Variants in NCBP2L observed in about 807,000 individuals in gnomAD.
NCBP2L encodes nuclear cap-binding protein subunit 2-like.
For missense variants in NCBP2L, 95 were observed against 53.1 expected (o/e 1.79, Z -2.45); for synonymous variants, 39 against 19.2 (o/e 2.04, Z -2.70).
intron 1 of NCBP2L, among the ~76,000 whole-genome samples, chrX:107,790,963 A>G (rs1048144712): frequency 8.9e-6 from 1 of 111,889 alleles, no homozygotes; most frequent in African/African-American, 3.3e-5. Context: ...TCCTGTGATT[A>G]GAATAATTAC....
At chrX:107,781,676 A>ATCTCTCTC (rs1252852252) in intron 1 of NCBP2L, among the ~76,000 whole-genome samples, 3 of 55,881 alleles carry the variant, frequency 5.4e-5, no homozygotes, top group African/African-American at 3.4e-4. Flanking sequence ...CTATCTATCT[A>ATCTCTCTC]TCTCTCTCTC....
At chrX:107,784,535 T>G (rs1268517014) in intron 1 of NCBP2L, among the ~76,000 whole-genome samples, 1 of 110,318 alleles carries the variant, frequency 9.1e-6, no homozygotes, top group Non-Finnish European at 1.9e-5. Flanking sequence ...AGATATAATG[T>G]CTGCAAGCAT....
At position 107,795,365 on chromosome X, in the gene NCBP2L, C is replaced by T. The variant is rs1930507134; in HGVS notation, c.*683C>T. The T allele has an allele frequency of 8.9e-6, 1 of 111,892 alleles. No homozygotes were observed. The highest frequency in any genetic ancestry group is 1.9e-5 in the Non-Finnish European group (1 of 53,245). 9.2% of individuals were successfully genotyped at this position (111,892 alleles called of 1,213,427 possible). Reference sequence around the variant, plus strand: ...CTCACTTACACCCCCATTTGCACTTCTCTACTCTCCATCCTCTCAATATAG... The same window carrying T: ...CTCACTTACACCCCCATTTGCACTTTTCTACTCTCCATCCTCTCAATATAG... On this transcript the variant is annotated 3_prime_UTR_variant, in exon 2 of 2. Coordinates refer to ENST00000509000, the MANE Select transcript of NCBP2L (RefSeq NM_001348372.2).
intron 1 of NCBP2L, among the ~76,000 whole-genome samples, chrX:107,781,951 C>T (rs1930298614): frequency 1.1e-5 from 1 of 92,999 alleles, no homozygotes; most frequent in Non-Finnish European, 2.1e-5. Context: ...TCTCAATCTC[C>T]TGACCTGAGG....
intron 1 of NCBP2L, among the ~76,000 whole-genome samples, chrX:107,779,762 T>TTTTTTTTA (rs1930242041): frequency 1.7e-5 from 1 of 57,789 alleles, no homozygotes; most frequent in African/African-American, 4.8e-5. Context: ...TTTTTTTTTT[T>TTTTTTTTA]GAGACAGAGT....
intron 1 of NCBP2L, among the ~76,000 whole-genome samples, chrX:107,791,907 A>G (rs1412529369): frequency 8.9e-6 from 1 of 111,990 alleles, no homozygotes; most frequent in Admixed American, 9.5e-5. Context: ...TGAGATTTGA[A>G]CCAAGGTCTT....
At chrX:107,785,867 C>T (rs776389659) in intron 1 of NCBP2L, among the ~76,000 whole-genome samples, 30 of 110,722 alleles carry the variant, frequency 2.7e-4, no homozygotes, top group Admixed American at 2.7e-3. Flanking sequence ...AGGTAAACTG[C>T]AGAGAGCAGG....
chrX:107,782,226 TATATATATAA>T (rs1930311437), intron 1 of NCBP2L, among the ~76,000 whole-genome samples: 3 of 19,241 alleles, frequency 1.6e-4, no homozygotes, highest in African/African-American at 8.1e-4. Flanking sequence ...TATATAAATA[TATATATATAA>T]ATATATATAT....
chrX:107,787,053 C>T (rs1930398875), intron 1 of NCBP2L, among the ~76,000 whole-genome samples: 1 of 111,554 alleles, frequency 9.0e-6, no homozygotes, highest in Non-Finnish European at 1.9e-5. Flanking sequence ...CCACATACGT[C>T]AGTGCTTCTC....
chrX:107,787,743 G>T (rs758312069), intron 1 of NCBP2L, among the ~76,000 whole-genome samples: 12 of 111,921 alleles, frequency 1.1e-4, no homozygotes, highest in African/African-American at 2.6e-4. Flanking sequence ...TAAAGGTAAG[G>T]CATGTAGTAA....
At chrX:107,788,316 A>G (rs2147807766) in intron 1 of NCBP2L, among the ~76,000 whole-genome samples, 1 of 112,428 alleles carries the variant, frequency 8.9e-6, no homozygotes, top group South Asian at 3.7e-4. Context: ...GTAAGTTCAC[A>G]TTCTATCACT....
chrX:107,784,345 C>A (rs1246546152), intron 1 of NCBP2L, among the ~76,000 whole-genome samples: 1 of 110,863 alleles, frequency 9.0e-6, no homozygotes, highest in East Asian at 2.8e-4. Context: ...GTTATTGTTG[C>A]TGCTATCATT....
At chrX:107,783,358 C>CTTTTTTTTTTT (rs769083822) in intron 1 of NCBP2L, among the ~76,000 whole-genome samples, 14 of 61,959 alleles carry the variant, frequency 2.3e-4, no homozygotes, top group African/African-American at 5.9e-4. Context: ...TGGCACTTGC[C>CTTTTTTTTTTT]TTTTTTTTTT....
chrX:107,788,683 C>T (rs761773408), intron 1 of NCBP2L, among the ~76,000 whole-genome samples: 1 of 112,246 alleles, frequency 8.9e-6, no homozygotes, highest in Non-Finnish European at 1.9e-5. Flanking sequence ...ATTTCATGAT[C>T]ATACCAGCTT....
intron 1 of NCBP2L, among the ~76,000 whole-genome samples, chrX:107,786,912 T>A (rs1930397693): frequency 9.0e-6 from 1 of 111,722 alleles, no homozygotes; most frequent in Admixed American, 9.6e-5. Context: ...TTTGGGGCTA[T>A]CAGCCATGAT....
chrX:107,778,697 G>C (rs1450197166), intron 1 of NCBP2L, among the ~76,000 whole-genome samples: 1 of 112,313 alleles, frequency 8.9e-6, no homozygotes, highest in African/African-American at 3.2e-5. Context: ...CTTCCAGACA[G>C]AGCTGGTAGC....
chrX:107,792,851 A>C, intron 1 of NCBP2L, among the ~76,000 whole-genome samples: 1 of 112,043 alleles, frequency 8.9e-6, no homozygotes, highest in Non-Finnish European at 1.9e-5. Context: ...GTAGATCCCC[A>C]ATAAATGTTA....
At chrX:107,792,935 C>T (rs1930472018) in intron 1 of NCBP2L, among the ~76,000 whole-genome samples, 1 of 112,387 alleles carries the variant, frequency 8.9e-6, no homozygotes, top group African/African-American at 3.2e-5. Flanking sequence ...TTCATGTTTA[C>T]TTGTTTGCCT....
At chrX:107,780,936 T>A (rs1337341767) in intron 1 of NCBP2L, among the ~76,000 whole-genome samples, 1 of 109,564 alleles carries the variant, frequency 9.1e-6, no homozygotes, top group Non-Finnish European at 1.9e-5. Context: ...ATTATTATTA[T>A]AATTATTGAG....
Sources: allele counts gnomAD v4.1 joint callset (sites outside exome capture counted in the v4.1 genomes callset), GRCh38; gene constraint gnomAD v4.1.1; transcripts MANE v1.5; gene names NCBI Gene and HGNC (gene_info 2026-07-23, HGNC 2026-07-21).